Variants in F13A1 observed in about 807,000 individuals in gnomAD.
F13A1 encodes the protein coagulation factor XIII A chain.
A neutral mutation model predicts 80.1 loss-of-function variants in F13A1; 47 were observed. The observed-to-expected ratio is 0.59, with a 90% CI of 0.46 to 0.75. F13A1 has a LOEUF of 0.75. F13A1 is among the 30% of genes least tolerant of loss of function. The pLI is 0.00. For synonymous variants in F13A1, 349 were observed against 344.9 expected, an observed-to-expected ratio of 1.01 and a Z score of -0.13; for missense variants, 817 against 930.4, an observed-to-expected ratio of 0.88 and a Z score of 1.59.
chr6:6,161,835 C>T (rs1000016413), intron 13 of F13A1, among the ~76,000 whole-genome samples: 12 of 152,098 alleles, frequency 7.9e-5, no homozygotes, highest in African/African-American at 1.4e-4. Context: ...GTAAAATCCA[C>T]GACTGGGTCC....
chr6:6,170,726 A>G (rs1760757639), intron 12 of F13A1, among the ~76,000 whole-genome samples: 1 of 152,098 alleles, frequency 6.6e-6, no homozygotes, highest in South Asian at 2.1e-4. Flanking sequence ...ATTCCCTTTA[A>G]TCATCAATCT....
chr6:6,307,521 G>C (rs1758529634), intron 2 of F13A1, among the ~76,000 whole-genome samples: 1 of 152,032 alleles, frequency 6.6e-6, no homozygotes, highest in Non-Finnish European at 1.5e-5. Flanking sequence ...CAACTCCTCT[G>C]GTCCTCTTTC....
chr6:6,151,149 C>T (rs1176326180), intron 14 of F13A1, among the ~76,000 whole-genome samples: 1 of 152,138 alleles, frequency 6.6e-6, no homozygotes, highest in Admixed American at 6.5e-5. Context: ...GAAACTGAGA[C>T]CTGTCAAGCA....
chr6:6,310,626 G>C (rs1758577200), intron 2 of F13A1, among the ~76,000 whole-genome samples: 1 of 152,104 alleles, frequency 6.6e-6, no homozygotes, highest in Non-Finnish European at 1.5e-5. Flanking sequence ...TTGTGACCTT[G>C]GCAAGTTACA....
At chr6:6,190,118 C>T (rs1761159104) in intron 10 of F13A1, among the ~76,000 whole-genome samples, 1 of 152,048 alleles carries the variant, frequency 6.6e-6, no homozygotes, top group South Asian at 2.1e-4. Context: ...TCTAGTTATA[C>T]ATTCTTCTAA....
chr6:6,236,955 A>G (rs546520521), intron 6 of F13A1, among the ~76,000 whole-genome samples: 4 of 152,236 alleles, frequency 2.6e-5, no homozygotes. Context: ...CACAGGTGGA[A>G]GTGGTGTGGT....
intron 13 of F13A1, among the ~76,000 whole-genome samples, chr6:6,159,366 G>A (rs1340773267): frequency 3.3e-5 from 5 of 152,102 alleles, no homozygotes; most frequent in East Asian, 1.9e-4. Flanking sequence ...TGTTAACCTC[G>A]GTAAAAATTG....
intron 10 of F13A1, 101 bp from the exon 11 acceptor site, chr6:6,182,242 A>T: frequency 7.8e-7 from 1 of 1,284,706 alleles, no homozygotes; most frequent in South Asian, 1.2e-5. Context: ...TCTGGAGCTG[A>T]CATGCCCCTT....
chr6:6,241,794 T>A (rs560920410), intron 6 of F13A1, among the ~76,000 whole-genome samples: 6 of 152,244 alleles, frequency 3.9e-5, no homozygotes, highest in Non-Finnish European at 8.8e-5. Flanking sequence ...TATATATTTA[T>A]TTCTGTCTTT....
intron 1 of F13A1, 36 bp from the exon 2 acceptor site, chr6:6,318,718 G>A (rs1236757817): frequency 6.3e-7 from 1 of 1,588,918 alleles, no homozygotes; most frequent in Non-Finnish European, 8.5e-7. Flanking sequence ...CAACAGAAAA[G>A]GCATGTAAAG....
At chr6:6,161,551 T>TGAGAGA (rs111622535) in intron 13 of F13A1, among the ~76,000 whole-genome samples, 2 of 146,282 alleles carry the variant, frequency 1.4e-5, no homozygotes, top group African/African-American at 2.5e-5. Context: ...TGTGTGTGTG[T>TGAGAGA]GAGAGAGAGA....
chr6:6,235,375 C>T (rs1757401226), intron 6 of F13A1, among the ~76,000 whole-genome samples: 1 of 151,832 alleles, frequency 6.6e-6, no homozygotes, highest in Non-Finnish European at 1.5e-5. Context: ...ATTTGTAAAT[C>T]CTTTATCTGA....
Position 6,285,807 on chromosome 6 carries a change from A to G in F13A1, c.320-18998T>C, listed in dbSNP as rs970413558. On this transcript the variant is annotated intron_variant, in intron 3 of 14. Transcript: ENST00000264870. ...AAGGGCAGTCTCCCAATAAACAGAA[A>G]TACCTGAAACTGGTGATCAGCAGCT... 4.6e-5 allele frequency among the ~76,000 whole-genome samples: 7 copies of G among 152,176 alleles called. No individual in the cohort carries two copies. The South Asian group carries it at 1.2e-3, about 27-fold the overall frequency.
At position 6,167,590 on chromosome 6, in the gene F13A1, G is replaced by A. The variant is rs376162615; in HGVS notation, c.1776C>T (p.Ala592=). The change falls in exon 13 of 15, where the codon GCC becomes GCT. Residue 592 remains alanine, a synonymous_variant. Transcript: ENST00000264870. ...SFKKEAVLIQ[A]GEYMGQLLEQ... is the part of the protein sequence containing the mutation. The stretch of plus-strand genomic sequence containing the variant: ...CCAGCAGCTGACCCATGTACTCGCC[G>A]GCTTGGATCAGCACCGCCTCTTTCT... 50 of 1,613,674 alleles carry A rather than the reference G, an allele frequency of 3.1e-5. No individual in the cohort carries two copies. The highest frequency in any genetic ancestry group is 1.4e-4 in the South Asian group (13 of 91,050).
chr6:6,180,518 C>T (rs1760961100), intron 11 of F13A1, among the ~76,000 whole-genome samples: 1 of 152,234 alleles, frequency 6.6e-6, no homozygotes. Context: ...TTTCTATGAA[C>T]TTGCTTTTTT....
intron 6 of F13A1, among the ~76,000 whole-genome samples, chr6:6,238,521 T>A (rs1757442161): frequency 6.6e-6 from 1 of 152,210 alleles, no homozygotes; most frequent in Admixed American, 6.5e-5. Flanking sequence ...TGAAAAAATT[T>A]GATTTTATAA....
chr6:6,265,812 C>A (rs956299982), intron 4 of F13A1, among the ~76,000 whole-genome samples: 2 of 152,104 alleles, frequency 1.3e-5, no homozygotes, highest in Non-Finnish European at 2.9e-5. Flanking sequence ...ACAGCGTCGA[C>A]TTTATTTTAT....
rs1364247624 is a variant in F13A1, at chr6:6,243,718, C to T, written c.798+4594G>A. ...TGAGGGACACCACTTCCAAGGGCTT[C>T]TGCTTCCTCACCCAGAAGACTCTTG... On this transcript the variant is annotated intron_variant, in intron 6 of 14. Coordinates refer to ENST00000264870, the MANE Select transcript of F13A1 (RefSeq NM_000129.4). This position sits in a 1 kb window ranked among gnomAD's most constrained non-coding sequence, Gnocchi z 4.2. Among the ~76,000 whole-genome samples, 1 of 152,196 alleles carries T rather than the reference C, an allele frequency of 6.6e-6. No individual in the cohort carries two copies. The highest frequency in any genetic ancestry group is 6.5e-5 in the Admixed American group (1 of 15,280).
Position 6,144,872 on chromosome 6 carries a change from G to T in F13A1, c.*747C>A. 6.5e-6 allele frequency: 1 copy of T among 152,802 alleles called. No homozygotes were observed. Among genetic ancestry groups the T allele is most frequent in the Non-Finnish European group, 1.5e-5 (1 of 68,108 alleles). 9.5% of individuals were successfully genotyped at this position (152,802 alleles called of 1,614,324 possible). On this transcript the variant is annotated 3_prime_UTR_variant, in exon 15 of 15. Transcript: ENST00000264870. ...AGAAAGGGTTAAAGTAAGGGATATT[G>T]GCTCCTGCTGATCAGGCCACAGTGT...
Sources: allele counts gnomAD v4.1 joint callset (sites outside exome capture counted in the v4.1 genomes callset), GRCh38; gene constraint gnomAD v4.1.1; non-coding constraint Gnocchi (gnomAD v3.1); transcripts MANE v1.5; gene names NCBI Gene and HGNC (gene_info 2026-07-23, HGNC 2026-07-21).